SANBR: variants seen among roughly 807,000 people sequenced by gnomAD.
SANBR encodes SANT and BTB domain regulator of CSR, also known as SANT and BTB domain regulator of class switch recombination.
In SANBR, 77 loss-of-function variants were observed where a neutral mutation model predicts 101.8. That is an observed-to-expected ratio of 0.76 (90% confidence interval 0.63 to 0.91). The LOEUF is 0.91. Among genes scored for constraint, SANBR ranks in the 40% least tolerant of loss-of-function variants. The probability of loss-of-function intolerance (pLI) is 0.00; values close to 1 mark genes in which losing one functional copy is unlikely to be tolerated. For missense variants in SANBR, 875 were observed against 853.0 expected (o/e 1.03, Z -0.32); for synonymous variants, 279 against 274.7 (o/e 1.02, Z -0.15).
intron 16 of SANBR, among the ~76,000 whole-genome samples, chr2:61,114,388 C>A (rs1039575091): frequency 6.6e-6 from 1 of 152,146 alleles, no homozygotes; most frequent in Non-Finnish European, 1.5e-5. Flanking sequence ...AGATTGTCAA[C>A]GGTTAGTCTT....
chr2:61,123,706 G>T lies in SANBR; in HGVS notation c.*1544G>T. 1.0e-6 allele frequency: 1 copy of T among 984,626 alleles called. No homozygotes were observed. The highest frequency in any genetic ancestry group is 1.1e-4 in the East Asian group (1 of 8,952). 61.0% of individuals were successfully genotyped at this position (984,626 alleles called of 1,614,324 possible). A position where few individuals can be genotyped will look rare whatever the true frequency, so the allele number is the denominator to read the frequency against. On this transcript the variant is annotated 3_prime_UTR_variant, in exon 22 of 22. Transcript: ENST00000402291. ...ATATATGCTCTTTTGATTTTTAACT[G>T]ATGGTAAAAAGGCAAACTGCTTCTC...
intron 15 of SANBR, 111 bp downstream of exon 15, chr2:61,108,460 A>C: frequency 1.6e-6 from 1 of 638,186 alleles, no homozygotes; most frequent in East Asian, 3.1e-5. Flanking sequence ...TTAAATGTAC[A>C]TCTTCCTTTT....
intron 11 of SANBR, among the ~76,000 whole-genome samples, chr2:61,093,559 C>T (rs1490400746): frequency 6.6e-6 from 1 of 151,912 alleles, no homozygotes; most frequent in Non-Finnish European, 1.5e-5. Context: ...TGCGCCATTG[C>T]ACTCCAGTCT....
At chr2:61,110,861 G>C (rs1289138617) in intron 16 of SANBR, among the ~76,000 whole-genome samples, 1 of 149,548 alleles carries the variant, frequency 6.7e-6, no homozygotes, top group Non-Finnish European at 1.5e-5. Context: ...AAAAAAAAAA[G>C]TTAAAAGAAG....
Position 61,110,678 on chromosome 2 carries a change from C to CA in SANBR, c.1744+1394dup, listed in dbSNP as rs1294632021. On this transcript the variant is annotated intron_variant, in intron 16 of 21. Coordinates refer to ENST00000402291, the MANE Select transcript of SANBR (RefSeq NM_001129993.3). ...TGGGCGACACAGCGAGACTCTGTCTCAAAAAAAAAAAATACAAAACTTAGC... is the reference window on the plus strand; with the variant it reads ...TGGGCGACACAGCGAGACTCTGTCTCAAAAAAAAAAAAATACAAAACTTAGC... 4.4e-3 allele frequency among the ~76,000 whole-genome samples: 606 copies of CA among 138,024 alleles called. 5 individuals are homozygous for CA. Among genetic ancestry groups the CA allele is most frequent in the Admixed American group, 0.015 (210 of 13,802 alleles). 90.5% of individuals were successfully genotyped at this position (138,024 alleles called of 152,430 possible). A position where few individuals can be genotyped will look rare whatever the true frequency, so the allele number is the denominator to read the frequency against.
chr2:61,115,624 ACTT>A (rs756665681), intron 16 of SANBR, among the ~76,000 whole-genome samples: 2 of 152,032 alleles, frequency 1.3e-5, no homozygotes, highest in African/African-American at 2.4e-5. Context: ...AGATTTCAAT[ACTT>A]CTTTCTTACA....
chr2:61,080,746 CAAAA>C lies in SANBR; in HGVS notation c.671-703_671-700del, dbSNP rs368631413. 1.0e-3 allele frequency among the ~76,000 whole-genome samples: 151 copies of C among 151,446 alleles called. 1 individual carries two copies. In the East Asian group the frequency reaches 0.024, roughly 24 times the overall value. On this transcript the variant is annotated intron_variant, in intron 6 of 21. Transcript: ENST00000402291. Reference sequence around the variant, plus strand: ...AAAAAAAAACAACAACAAAAAAAAACAAAAAACCTTGAATCTAGAGTTGTTATTT... The same window carrying C: ...AAAAAAAAACAACAACAAAAAAAAACAACCTTGAATCTAGAGTTGTTATTT...
chr2:61,073,625 C>T (rs1681600091), intron 5 of SANBR, 74 bp downstream of exon 5: 1 of 826,218 alleles, frequency 1.2e-6, no homozygotes, highest in Non-Finnish European at 1.9e-6. Context: ...TTGGTGGTTA[C>T]CATAAGGTAG....
chr2:61,075,075 G>C (rs1681693962), intron 5 of SANBR: 1 of 151,976 alleles, frequency 6.6e-6, no homozygotes, highest in Admixed American at 6.6e-5. Flanking sequence ...TGGGATTACA[G>C]TTGTGAGCCA....
At chr2:61,079,582 G>C (rs763409658) in intron 6 of SANBR, among the ~76,000 whole-genome samples, 47 of 152,178 alleles carry the variant, frequency 3.1e-4, no homozygotes, top group Non-Finnish European at 5.7e-4. Context: ...CCAGAATCCA[G>C]AGATTCCAGA....
chr2:61,066,286 A>T (rs750148952), intron 1 of SANBR: 89 of 152,292 alleles, frequency 5.8e-4, no homozygotes, highest in Non-Finnish European at 1.1e-3. Flanking sequence ...CGGGAACCCC[A>T]GCTTCTGCGC....
chr2:61,087,497 C>T (rs1450071993), intron 8 of SANBR, among the ~76,000 whole-genome samples: 1 of 151,666 alleles, frequency 6.6e-6, no homozygotes, highest in Non-Finnish European at 1.5e-5. Context: ...GTTTGAGGCC[C>T]AGGAGTCTGA....
At position 61,117,465 on chromosome 2, in the gene SANBR, A is replaced by G; in HGVS notation, c.1866-2A>G. On this transcript the variant is annotated splice_acceptor_variant, in intron 18 of 21. Coordinates refer to ENST00000402291, the MANE Select transcript of SANBR (RefSeq NM_001129993.3). LOFTEE classifies it high-confidence loss of function. ...CTGATTTTTGTTCAATTTTTTCAAT[A>G]GTATGAGTATGCAGAAGAATAAGTG... is the stretch of plus-strand genomic sequence containing the variant. The G allele has an allele frequency of 6.2e-7, 1 of 1,613,712 alleles. No homozygotes were observed. Among genetic ancestry groups the G allele is most frequent in the Non-Finnish European group, 8.5e-7 (1 of 1,179,696 alleles).
At chr2:61,089,282 A>G (rs1019518149) in intron 10 of SANBR, 12 of 672,122 alleles carry the variant, frequency 1.8e-5, no homozygotes, top group Non-Finnish European at 1.7e-5. Context: ...AGGCCAAGTC[A>G]GGTGGATCAC....
chr2:61,099,661 T>A lies in SANBR; in HGVS notation c.1365+1809T>A, dbSNP rs148726615. On this transcript the variant is annotated intron_variant, in intron 12 of 21. Coordinates refer to ENST00000402291, the MANE Select transcript of SANBR (RefSeq NM_001129993.3). ...TAATAACTCATAAGTTTTCTTGCAA[T>A]AGATGATAGTTAAAGCCAGCAGGTA... Among the ~76,000 whole-genome samples the A allele has an allele frequency of 1.9e-4, 29 of 152,202 alleles. No homozygotes were observed. The East Asian group carries it at 5.2e-3, about 27-fold the overall frequency.
At position 61,071,662 on chromosome 2, in the gene SANBR, G is replaced by T. The variant is rs1172548783; in HGVS notation, c.207G>T (p.Gln69His). Residue 69 changes from glutamine to histidine, a missense_variant, in exon 4 of 22, where the codon CAG becomes CAT. Transcript: ENST00000402291. ...GTGGAAGCTCGCCTGTTGACAACCA[G>T]TATAATTCCCTAATGGCTGCTGGAG... ...KSSGSSPVDN[Q>H]YNSLMAAGES... 1 of 1,599,856 alleles carries T rather than the reference G, an allele frequency of 6.3e-7. No individual in the cohort carries two copies.
Position 61,124,119 on chromosome 2 carries a change from T to G in SANBR, c.*1957T>G. ...CAATTTAAAACAAAAAAAGAATGTG[T>G]TTTTAATTTTGTTAATGTTTGTCTG... is the stretch of plus-strand genomic sequence containing the variant. On this transcript the variant is annotated 3_prime_UTR_variant, in exon 22 of 22. Transcript: ENST00000402291. 1.0e-6 allele frequency: 1 copy of G among 971,992 alleles called. No individual in the cohort carries two copies. Among genetic ancestry groups the G allele is most frequent in the Non-Finnish European group, 1.2e-6 (1 of 817,606 alleles). 60.2% of individuals were successfully genotyped at this position (971,992 alleles called of 1,614,324 possible).
chr2:61,071,971 T>A (rs1157700255), intron 4 of SANBR, among the ~76,000 whole-genome samples, 179 bp downstream of exon 4: 1 of 152,206 alleles, frequency 6.6e-6, no homozygotes, highest in African/African-American at 2.4e-5. Flanking sequence ...AAGGTCTTGT[T>A]CTGTTGCCCA....
At chr2:61,076,228 C>T (rs979573607) in intron 5 of SANBR, among the ~76,000 whole-genome samples, 63 of 150,354 alleles carry the variant, frequency 4.2e-4, no homozygotes, top group African/African-American at 1.4e-3. Flanking sequence ...CTCCTGACCT[C>T]GTGATCCACC....
Sources: gnomAD v4.1 joint callset for allele counts (sites outside exome capture counted in the v4.1 genomes callset) on GRCh38, gnomAD v4.1.1 for gene constraint, MANE v1.5 for transcripts, NCBI Gene and HGNC (gene_info 2026-07-23, HGNC 2026-07-21) for gene names.